CDH4: variants seen among roughly 807,000 people sequenced by gnomAD.
CDH4 encodes the protein cadherin-4.
In CDH4, 33 loss-of-function variants were observed where a neutral mutation model predicts 86.0. The ratio of observed to expected loss-of-function variants is 0.38; its 90% CI spans 0.29 to 0.51. The LOEUF (loss-of-function observed/expected upper bound fraction) is 0.51. CDH4 is among the 20% of genes least tolerant of loss of function. The probability of loss-of-function intolerance (pLI) is 0.86; values close to 1 mark genes in which losing one functional copy is unlikely to be tolerated. For synonymous variants in CDH4, 555 were observed against 549.4 expected (o/e 1.01, Z -0.14); for missense variants, 1,114 against 1,307.4 (o/e 0.85, Z 2.28).
intron 2 of CDH4, among the ~76,000 whole-genome samples, chr20:61,670,979 A>C (rs1050359317): frequency 1.3e-5 from 2 of 152,142 alleles, no homozygotes; most frequent in African/African-American, 4.8e-5. Flanking sequence ...CCAGGTATAA[A>C]CTCTGGTCCC....
intron 2 of CDH4, among the ~76,000 whole-genome samples, chr20:61,473,521 C>G (rs1456655937): frequency 6.6e-6 from 1 of 152,164 alleles, no homozygotes; most frequent in Non-Finnish European, 1.5e-5. Context: ...GTCTTCCTTT[C>G]CAAAACAGCC....
rs6061316 is a variant in CDH4 at position 61,696,816 on chromosome 20, G to C, written c.170-46747G>C. ...ATTACTTGGAAAAAGAGTGTTTGAAGATGTGATGGAATTAAGAATCGCAAG... is the reference window on the plus strand; with the variant it reads ...ATTACTTGGAAAAAGAGTGTTTGAACATGTGATGGAATTAAGAATCGCAAG... On this transcript the variant is annotated intron_variant, in intron 2 of 15. Transcript: ENST00000614565. Among the ~76,000 whole-genome samples the C allele has an allele frequency of 7.3e-3, 1,114 of 152,340 alleles. 31 individuals carry two copies. The highest frequency in any genetic ancestry group is 0.061 in the South Asian group (295 of 4,818).
chr20:61,279,175 G>A (rs2084245458), intron 2 of CDH4, among the ~76,000 whole-genome samples: 1 of 152,208 alleles, frequency 6.6e-6, no homozygotes, highest in Non-Finnish European at 1.5e-5. Flanking sequence ...TATTAAATGA[G>A]CATCTGGGAA....
intron 2 of CDH4, among the ~76,000 whole-genome samples, chr20:61,483,012 C>G (rs2085576559): frequency 6.6e-6 from 1 of 152,336 alleles, no homozygotes; most frequent in East Asian, 1.9e-4. Context: ...CCCAGATCTG[C>G]TGCTCTTAAC....
intron 3 of CDH4, among the ~76,000 whole-genome samples, chr20:61,748,445 T>A (rs781320225): frequency 3.9e-5 from 6 of 152,226 alleles, no homozygotes; most frequent in African/African-American, 9.7e-5. Flanking sequence ...CCAGTAAAAC[T>A]GTCTTTCAGG....
chr20:61,743,521 G>C (rs1390657786), intron 2 of CDH4, 42 bp from the exon 3 acceptor site: 2 of 1,502,566 alleles, frequency 1.3e-6, no homozygotes, highest in South Asian at 2.4e-5. Flanking sequence ...CCGCCCTTCT[G>C]CTGGCCAAGC....
chr20:61,296,403 G>A (rs2084355134), intron 2 of CDH4, among the ~76,000 whole-genome samples: 1 of 151,946 alleles, frequency 6.6e-6, no homozygotes, highest in South Asian at 2.1e-4. Flanking sequence ...CACGGGCCAT[G>A]CTTGCACAGA....
chr20:61,884,065 T>C (rs1984424029), intron 7 of CDH4, among the ~76,000 whole-genome samples: 1 of 152,070 alleles, frequency 6.6e-6, no homozygotes, highest in Non-Finnish European at 1.5e-5. Flanking sequence ...TGCCTGGAAC[T>C]GGGAAATGCT....
At chr20:61,275,101 G>T (rs1322413627) in intron 2 of CDH4, among the ~76,000 whole-genome samples, 48 of 124,344 alleles carry the variant, frequency 3.9e-4, no homozygotes, top group African/African-American at 1.5e-3. Context: ...GGGAGTACTG[G>T]GGGAGTACTG....
At chr20:61,671,662 TAATG>T (rs144247049) in intron 2 of CDH4, among the ~76,000 whole-genome samples, 18,162 of 149,368 alleles carry the variant, frequency 0.12, 1,414 homozygotes, top group East Asian at 0.34. Context: ...AATGGATGGA[TAATG>T]GATGGATGGT....
chr20:61,813,509 A>G (rs1980546885), intron 4 of CDH4, among the ~76,000 whole-genome samples: 1 of 152,192 alleles, frequency 6.6e-6, no homozygotes, highest in Non-Finnish European at 1.5e-5. Flanking sequence ...ACGGTGTCAC[A>G]GCTGGAAGGC....
chr20:61,610,138 C>G lies in CDH4; in HGVS notation c.170-133425C>G, dbSNP rs528907023. 6.6e-5 allele frequency among the ~76,000 whole-genome samples: 10 copies of G among 152,180 alleles called. No homozygotes were observed. The East Asian group carries it at 1.9e-3, about 29-fold the overall frequency. On this transcript the variant is annotated intron_variant, in intron 2 of 15. Transcript: ENST00000614565. ...CCCATGAACCGACCTCTCTTTATTC[C>G]TCTCAACCCCCCAGACACACTCCAC...
At chr20:61,791,254 C>T (rs1979183238) in intron 4 of CDH4, among the ~76,000 whole-genome samples, 1 of 152,224 alleles carries the variant, frequency 6.6e-6, no homozygotes, top group African/African-American at 2.4e-5. Flanking sequence ...TTTGGCTTAC[C>T]TATGAACACT....
intron 6 of CDH4, among the ~76,000 whole-genome samples, chr20:61,866,209 A>T (rs1983543122): frequency 6.6e-6 from 1 of 152,204 alleles, no homozygotes; most frequent in Non-Finnish European, 1.5e-5. Context: ...GGGTATACAC[A>T]ACATAGGTCT....
At chr20:61,850,883 G>T (rs1389054231) in intron 5 of CDH4, among the ~76,000 whole-genome samples, 1 of 152,266 alleles carries the variant, frequency 6.6e-6, no homozygotes, top group Non-Finnish European at 1.5e-5. Flanking sequence ...GGACAAGGAG[G>T]ACACAGGCCA....
At chr20:61,297,857 A>T (rs2084364941) in intron 2 of CDH4, among the ~76,000 whole-genome samples, 1 of 152,256 alleles carries the variant, frequency 6.6e-6, no homozygotes, top group Non-Finnish European at 1.5e-5. Flanking sequence ...TCCGTGGGGA[A>T]CCAGAGTGAA....
chr20:61,263,813 G>A (rs933450757), intron 2 of CDH4, among the ~76,000 whole-genome samples: 14 of 152,038 alleles, frequency 9.2e-5, no homozygotes, highest in Admixed American at 3.9e-4. Context: ...GTCTCCTTGT[G>A]CCTCCCAGCT....
At chr20:61,892,287 T>TG (rs773106539) in intron 7 of CDH4, among the ~76,000 whole-genome samples, 1 of 152,174 alleles carries the variant, frequency 6.6e-6, no homozygotes, top group Non-Finnish European at 1.5e-5. Context: ...GAGCTTCTGT[T>TG]GCCACCACAA....
chr20:61,502,729 A>G (rs80287032), intron 2 of CDH4, among the ~76,000 whole-genome samples: 4,255 of 152,272 alleles, frequency 0.028, 201 homozygotes, highest in African/African-American at 0.095. Context: ...CACGAAGGAG[A>G]AACTGCCGTT....
Sources: allele counts gnomAD v4.1 joint callset (sites outside exome capture counted in the v4.1 genomes callset), GRCh38; gene constraint gnomAD v4.1.1; transcripts MANE v1.5; gene names NCBI Gene and HGNC (gene_info 2026-07-23, HGNC 2026-07-21).